Variants in CHDH observed in about 807,000 individuals in gnomAD.
CHDH encodes the protein choline dehydrogenase.
CHDH carries 43 observed loss-of-function variants against 56.9 expected under a neutral mutation model. The ratio of observed to expected loss-of-function variants is 0.76; its 90% CI spans 0.59 to 0.97. CHDH has a LOEUF of 0.97. CHDH is among the 50% of genes least tolerant of loss of function. CHDH has a pLI of 0.00. For synonymous variants in CHDH, 364 were observed against 348.5 expected, an observed-to-expected ratio of 1.04 and a Z score of -0.50; for missense variants, 816 against 821.1, an observed-to-expected ratio of 0.99 and a Z score of 0.08.
rs770352293 is a variant in CHDH, at chr3:53,823,529, G to A, written c.480C>T (p.Tyr160=). 21 of 1,542,288 alleles carry A rather than the reference G, an allele frequency of 1.4e-5. No individual in the cohort carries two copies. Among genetic ancestry groups the A allele is most frequent in the East Asian group, 2.4e-5 (1 of 40,850 alleles). ...WQRQGARGWD[Y]AHCLPYFRKA... ...TGCGGAAGTAGGGCAGGCAGTGCGCGTAGTCCCAGCCGCGGGCGCCCTGGC... is the reference window on the plus strand; with the variant it reads ...TGCGGAAGTAGGGCAGGCAGTGCGCATAGTCCCAGCCGCGGGCGCCCTGGC... Residue 160 remains tyrosine (Y), a synonymous_variant, in exon 3 of 9, where the codon TAC becomes TAT. Coordinates refer to ENST00000315251, the MANE Select transcript of CHDH (RefSeq NM_018397.5).
At chr3:53,833,693 G>A (rs577961160) in intron 2 of CHDH, among the ~76,000 whole-genome samples, 1 of 152,254 alleles carries the variant, frequency 6.6e-6, no homozygotes, top group East Asian at 1.9e-4. Flanking sequence ...TTGACTCTGG[G>A]TGCCTGCACT....
Position 53,820,528 on chromosome 3 carries a change from G to T in CHDH, c.1066C>A (p.Gln356Lys). 1 of 1,614,112 alleles carries T rather than the reference G, an allele frequency of 6.2e-7. No individual in the cohort carries two copies. The highest frequency in any genetic ancestry group is 8.5e-7 in the Non-Finnish European group (1 of 1,179,968). ...CTRPITLHSA[Q>K]KPLRKVCIGL... Reference sequence around the variant, plus strand: ...ATGCAGACCTTCCGCAGGGGCTTCTGTGCTGAATGGAGGGTGATAGGGCGG... The same window carrying T: ...ATGCAGACCTTCCGCAGGGGCTTCTTTGCTGAATGGAGGGTGATAGGGCGG... Residue 356 changes from glutamine (Q) to lysine (K), a missense_variant, in exon 6 of 9, where the codon CAG (glutamine) becomes AAG (lysine). Transcript: ENST00000315251.
At chr3:53,824,620 G>C (rs1487778410) in intron 2 of CHDH, among the ~76,000 whole-genome samples, 1 of 152,180 alleles carries the variant, frequency 6.6e-6, no homozygotes, top group Non-Finnish European at 1.5e-5. Flanking sequence ...TTTGACCCGA[G>C]GGGCCATGGG....
chr3:53,824,794 G>A (rs2095635993), intron 2 of CHDH, among the ~76,000 whole-genome samples: 1 of 152,140 alleles, frequency 6.6e-6, no homozygotes, highest in Admixed American at 6.5e-5. Flanking sequence ...AGGTAGAAAA[G>A]AAACAGGATA....
At chr3:53,839,350 C>T (rs1698602481) in intron 2 of CHDH, among the ~76,000 whole-genome samples, 1 of 152,152 alleles carries the variant, frequency 6.6e-6, no homozygotes. Context: ...CAGGGAAACC[C>T]CACACAGTTC....
At chr3:53,844,430 G>A (rs1459115758) in intron 1 of CHDH, among the ~76,000 whole-genome samples, 1 of 152,046 alleles carries the variant, frequency 6.6e-6, no homozygotes, top group Non-Finnish European at 1.5e-5. Flanking sequence ...CTGACCCCAT[G>A]AGCTCCTCCC....
Position 53,817,813 on chromosome 3 carries a change from A to G in CHDH, c.1749T>C (p.Pro583=). The G allele has an allele frequency of 1.9e-6, 3 of 1,613,026 alleles. No homozygotes were observed. Among genetic ancestry groups the G allele is most frequent in the Non-Finnish European group, 2.5e-6 (3 of 1,179,366 alleles). ...GQPALWDKDV[P]VYKPRTLATQ... ...TGGCCAGCGTCCTGGGCTTGTAGACAGGGACATCTTTGTCCCAGAGTGCAG... is the reference window on the plus strand; with the variant it reads ...TGGCCAGCGTCCTGGGCTTGTAGACGGGGACATCTTTGTCCCAGAGTGCAG... The change falls in exon 9 of 9, where the codon CCT becomes CCC. Residue 583 remains proline (P), a synonymous_variant. Coordinates refer to ENST00000315251, the MANE Select transcript of CHDH (RefSeq NM_018397.5).
Position 53,823,843 on chromosome 3 carries a change from C to G in CHDH, c.166G>C (p.Ala56Pro). Residue 56 changes from alanine (A) to proline (P), a missense_variant, in exon 3 of 9, where the codon GCT becomes CCT. By Grantham distance (27) the Ala-to-Pro change is conservative. Transcript: ENST00000315251. Reference sequence around the variant, plus strand: ...GCGGGGTCCTCCGTGAGCCTCCCAGCCAGCACGCAGCCCGCCGAGCCCGCG... The same window carrying G: ...GCGGGGTCCTCCGTGAGCCTCCCAGGCAGCACGCAGCCCGCCGAGCCCGCG... ...VGAGSAGCVL[A>P]GRLTEDPAER... The G allele has an allele frequency of 1.9e-6, 3 of 1,587,576 alleles. No homozygotes were observed. Among genetic ancestry groups the G allele is most frequent in the Non-Finnish European group, 2.6e-6 (3 of 1,174,496 alleles).
chr3:53,822,907 A>T (rs754755936), intron 3 of CHDH, among the ~76,000 whole-genome samples: 1 of 152,160 alleles, frequency 6.6e-6, no homozygotes, highest in Non-Finnish European at 1.5e-5. Flanking sequence ...CAGAGGGGTG[A>T]GAGCCTTCAA....
At chr3:53,822,193 C>T (rs1219684354) in intron 4 of CHDH, among the ~76,000 whole-genome samples, 1 of 152,144 alleles carries the variant, frequency 6.6e-6, no homozygotes, top group Non-Finnish European at 1.5e-5. Flanking sequence ...TAGCTTTAAA[C>T]CTATAGCTTT....
rs578222161 is a variant in CHDH, at chr3:53,846,361, C to T, written c.-409G>A. 131 of 461,514 alleles carry T rather than the reference C, an allele frequency of 2.8e-4. 2 individuals are homozygous for T. The South Asian group carries it at 5.2e-3, about 18-fold the overall frequency. 28.6% of individuals were successfully genotyped at this position (461,514 alleles called of 1,614,324 possible). ...GCGCGGGGGTAGGCGCGCGCCGCGG[C>T]GGCCCGTGCTCCGCCAGCGCTCGGA... On this transcript the variant is annotated 5_prime_UTR_variant, in exon 1 of 9. Coordinates refer to ENST00000315251, the MANE Select transcript of CHDH (RefSeq NM_018397.5).
In CHDH at chr3:53,846,327, T is replaced by G; in HGVS notation, c.-375A>C. The G allele has an allele frequency of 2.3e-6, 1 of 439,280 alleles. No homozygotes were observed. The highest frequency in any genetic ancestry group is 4.0e-6 in the Non-Finnish European group (1 of 250,878). 27.2% of individuals were successfully genotyped at this position (439,280 alleles called of 1,614,324 possible). On this transcript the variant is annotated 5_prime_UTR_variant, in exon 1 of 9. An upstream start codon of the reference 5' UTR is lost. Coordinates refer to ENST00000315251, the MANE Select transcript of CHDH (RefSeq NM_018397.5). The stretch of plus-strand genomic sequence containing the variant: ...CAGCTGATGCACCTGGCTCACTGCA[T>G]GCACGTGTGCGCGGGGGTAGGCGCG...
intron 1 of CHDH, among the ~76,000 whole-genome samples, chr3:53,841,595 T>G (rs1017790879): frequency 6.6e-6 from 1 of 152,214 alleles, no homozygotes; most frequent in Admixed American, 6.5e-5. Context: ...CACTGCTGTT[T>G]CCTCTTCAGA....
chr3:53,818,063 GC>G lies in CHDH; in HGVS notation c.1498del (p.Ala500ProfsTer57), dbSNP rs757088122. The stretch of plus-strand genomic sequence containing the variant: ...GCTGTCGGCTTTTGCCCGCACAAAG[GC>G]ATCTATCTCTTTATCTGACTGAATG... ...SHIQSDKEIDAFVRAKADSAY... is the reference protein window; with the variant it reads ...SHIQSDKEIDXFVRAKADSAY... On this transcript the variant is annotated frameshift_variant, in exon 9 of 9. Coordinates refer to ENST00000315251, the MANE Select transcript of CHDH (RefSeq NM_018397.5). LOFTEE classifies it high-confidence loss of function. 20 of 1,614,200 alleles carry G rather than the reference GC, an allele frequency of 1.2e-5. No homozygotes were observed. Among genetic ancestry groups the G allele is most frequent in the Non-Finnish European group, 1.7e-5 (20 of 1,180,036 alleles).
At chr3:53,836,327 C>T (rs1698493371) in intron 2 of CHDH, among the ~76,000 whole-genome samples, 1 of 152,216 alleles carries the variant, frequency 6.6e-6, no homozygotes, top group South Asian at 2.1e-4. Context: ...GTCCTAAGCC[C>T]GACCAGGCCA....
intron 2 of CHDH, among the ~76,000 whole-genome samples, chr3:53,838,668 G>C (rs1215254509): frequency 1.3e-5 from 2 of 152,190 alleles, no homozygotes; most frequent in Non-Finnish European, 2.9e-5. Context: ...CTCCCACCTG[G>C]CAGAGCCCAT....
Position 53,830,918 on chromosome 3 carries a change from T to G in CHDH, c.-59-6851A>C, listed in dbSNP as rs140175924. On this transcript the variant is annotated intron_variant, in intron 2 of 8. Coordinates refer to ENST00000315251, the MANE Select transcript of CHDH (RefSeq NM_018397.5). ...GGAGCAATTTCATAGCAACCAAAAA[T>G]CAGGCACCAGCTTGGCCACAGTGGA... 8.0e-5 allele frequency among the ~76,000 whole-genome samples: 12 copies of G among 150,228 alleles called. No homozygotes were observed. The East Asian group carries it at 2.4e-3, about 30-fold the overall frequency.
rs2095615470 is a variant in CHDH, at chr3:53,816,135, C to CA, written c.*1641_*1642insT. On this transcript the variant is annotated 3_prime_UTR_variant, in exon 9 of 9. Transcript: ENST00000315251. ...AAACTAACTTGTGGCTGTCGGACGC[C>CA]CCCCCCCCCCGCCCCAGTCTGTAAG... The CA allele has an allele frequency of 4.1e-5, 1 of 24,394 alleles. No homozygotes were observed. Among genetic ancestry groups the CA allele is most frequent in the African/African-American group, 9.2e-5 (1 of 10,894 alleles). The allele number at this position is 24,394 out of a possible 1,614,324, so 1.5% of individuals were successfully genotyped here. A position where few individuals can be genotyped will look rare whatever the true frequency, so the allele number is the denominator to read the frequency against.
chr3:53,828,063 T>C (rs2095642068), intron 2 of CHDH, among the ~76,000 whole-genome samples: 2 of 151,842 alleles, frequency 1.3e-5, no homozygotes, highest in South Asian at 2.1e-4. Flanking sequence ...AGCCCAGAAA[T>C]AGACCCATAT....
Sources: allele counts gnomAD v4.1 joint callset (sites outside exome capture counted in the v4.1 genomes callset), GRCh38; gene constraint gnomAD v4.1.1; transcripts MANE v1.5; gene names NCBI Gene and HGNC (gene_info 2026-07-23, HGNC 2026-07-21).